ZNF799: variants seen among roughly 807,000 people sequenced by gnomAD.
ZNF799 encodes the protein zinc finger protein 799, also known as zinc finger protein 14.
In ZNF799, 28 loss-of-function variants were observed where a neutral mutation model predicts 41.0. The ratio of observed to expected loss-of-function variants is 0.68; its 90% CI spans 0.51 to 0.94. The LOEUF (loss-of-function observed/expected upper bound fraction) is 0.94. ZNF799 is among the 40% of genes least tolerant of loss of function. ZNF799 has a pLI of 0.00. For missense variants in ZNF799, 716 were observed against 764.3 expected, an observed-to-expected ratio of 0.94 and a Z score of 0.74; for synonymous variants, 213 against 252.9, an observed-to-expected ratio of 0.84 and a Z score of 1.50.
chr19:12,390,279 C>A lies in ZNF799; in HGVS notation c.*187G>T. The A allele has an allele frequency of 9.7e-7, 1 of 1,033,004 alleles. No individual in the cohort carries two copies. Among genetic ancestry groups the A allele is most frequent in the Admixed American group, 2.9e-5 (1 of 34,898 alleles). 64.0% of individuals were successfully genotyped at this position (1,033,004 alleles called of 1,614,324 possible). A position where few individuals can be genotyped will look rare whatever the true frequency, so the allele number is the denominator to read the frequency against. On this transcript the variant is annotated 3_prime_UTR_variant, in exon 4 of 4. Transcript: ENST00000430385. ...TATAAAAGGGACTGGACATGGCTCA[C>A]GGAGTGCTGGAACCAATACCCAGCA... is the stretch of plus-strand genomic sequence containing the variant.
At chr19:12,409,844 G>T in the ZNF799 span, among the ~76,000 whole-genome samples, 2 of 152,080 alleles carry the variant, frequency 1.3e-5, no homozygotes, top group Non-Finnish European at 2.9e-5. Context: ...TTCTGAAGTT[G>T]ATGAGAAAAC....
rs1425616891 is a variant in ZNF799 at position 12,394,759 on chromosome 19, T to C, written c.4-1336A>G. On this transcript the variant is annotated intron_variant, in intron 1 of 3. Coordinates refer to ENST00000430385, the MANE Select transcript of ZNF799 (RefSeq NM_001080821.3). ...TTACTAAGAAACTAAAACAAATCTT[T>C]TAGTAGTCAACAAAAATTACATTAC... 2.8e-5 allele frequency: 28 copies of C among 985,060 alleles called. No homozygotes were observed. The South Asian group carries it at 1.1e-3, about 40-fold the overall frequency. The allele number at this position is 985,060 out of a possible 1,614,324, so 61.0% of individuals were successfully genotyped here.
chr19:12,395,111 G>C (rs568760176), intron 1 of ZNF799: 2 of 152,188 alleles, frequency 1.3e-5, no homozygotes, highest in South Asian at 4.2e-4. Context: ...TCTGTATAAG[G>C]ACTATCCCGA....
the ZNF799 span, among the ~76,000 whole-genome samples, chr19:12,413,268 C>T: frequency 6.6e-6 from 1 of 151,976 alleles, no homozygotes; most frequent in African/African-American, 2.4e-5. Context: ...TGAATTGTAC[C>T]CTCCAATGAA....
Position 12,391,181 on chromosome 19 carries a change from C to A in ZNF799, c.1217G>T (p.Ser406Ile). ...AGTCTTTTCATGCCTTTGAAATACA[C>A]TGGGATAAACAAAGGCTTTCCCACA... ...KICGKAFVYP[S>I]VFQRHEKTHT... The change falls in exon 4 of 4, where the codon AGT becomes ATT. Residue 406 changes from serine to isoleucine, a missense_variant. Around this residue, in one of 2 missense-constraint regions of ZNF799, gnomAD observed 698 missense variants for 713.6 expected, o/e 0.98. Transcript: ENST00000430385. The A allele has an allele frequency of 6.2e-7, 1 of 1,614,166 alleles. No individual in the cohort carries two copies. The highest frequency in any genetic ancestry group is 1.1e-5 in the South Asian group (1 of 91,082).
the ZNF799 span, among the ~76,000 whole-genome samples, chr19:12,408,671 A>G: frequency 6.6e-6 from 1 of 152,228 alleles, no homozygotes; most frequent in Admixed American, 6.5e-5. Context: ...GATATTTCAT[A>G]ATGATAAAGT....
At position 12,391,473 on chromosome 19, in the gene ZNF799, AG is replaced by A. The variant is rs1478497378; in HGVS notation, c.924del (p.Tyr309MetfsTer21). The A allele has an allele frequency of 2.5e-6, 4 of 1,614,122 alleles. No homozygotes were observed. Among genetic ancestry groups the A allele is most frequent in the Non-Finnish European group, 3.4e-6 (4 of 1,179,976 alleles). ...GCTTTCCCACATTGCTGACATGCAT[AG>A]GGTTTCTCATCAGTGTGAGTTGTTT... ...RHETTHTDEKPYACQQCGKAF... is the reference protein window; with the variant it reads ...RHETTHTDEKXYACQQCGKAF... On this transcript the variant is annotated frameshift_variant, in exon 4 of 4. Transcript: ENST00000430385. LOFTEE classifies it high-confidence loss of function.
chr19:12,392,823 C>T (rs554791077), intron 2 of ZNF799, among the ~76,000 whole-genome samples, 160 bp from the exon 3 acceptor site: 1 of 151,940 alleles, frequency 6.6e-6, no homozygotes, highest in East Asian at 1.9e-4. Flanking sequence ...TTTGTATATA[C>T]ATATATATAT....
chr19:12,405,295 A>T (rs1051829472), upstream of ZNF799, among the ~76,000 whole-genome samples: 1 of 152,044 alleles, frequency 6.6e-6, no homozygotes, highest in Non-Finnish European at 1.5e-5. Context: ...ATCCTGGGGG[A>T]AAAAAGTTGG....
chr19:12,401,276 C>T, upstream of ZNF799: 6 of 1,362,062 alleles, frequency 4.4e-6, no homozygotes, highest in Non-Finnish European at 5.8e-6. Flanking sequence ...ATTGACAGTT[C>T]CCACGAACCC....
the ZNF799 span, among the ~76,000 whole-genome samples, chr19:12,410,765 T>C: frequency 9.2e-5 from 14 of 152,234 alleles, no homozygotes; most frequent in South Asian, 2.7e-3. Flanking sequence ...CCTATGCACA[T>C]TAAAGTGACC....
Position 12,390,560 on chromosome 19 carries a change from T to C in ZNF799, c.1838A>G (p.Lys613Arg), listed in dbSNP as rs774905334. ...LHRHKKTHWK[K>R]THTGENPYGC... ...ATACGGGTTCTCTCCAGTGTGAGTT[T>C]TTTTCCAGTGAGTCTTTTTATGTCT... The change falls in exon 4 of 4, where the codon AAA (lysine) becomes AGA (arginine). Residue 613 changes from lysine to arginine, a missense_variant. Physicochemically the swap from Lys to Arg is conservative, Grantham distance 26. Transcript: ENST00000430385. The C allele has an allele frequency of 3.7e-5, 60 of 1,611,600 alleles. No homozygotes were observed. The highest frequency in any genetic ancestry group is 4.4e-5 in the Non-Finnish European group (52 of 1,178,950).
the ZNF799 span, among the ~76,000 whole-genome samples, chr19:12,413,946 C>T: frequency 1.3e-5 from 2 of 152,330 alleles, no homozygotes; most frequent in Admixed American, 6.5e-5. Context: ...ACCCCTAGGC[C>T]GTGCACACGC....
At chr19:12,402,416 CTTTTTT>C (rs745521629), upstream of ZNF799, among the ~76,000 whole-genome samples, 14 of 125,048 alleles carry the variant, frequency 1.1e-4, no homozygotes, top group Admixed American at 3.5e-4. Flanking sequence ...CCCTTTATTT[CTTTTTT>C]TTTTTTTTTT....
chr19:12,412,724 C>A, the ZNF799 span, among the ~76,000 whole-genome samples: 1 of 152,056 alleles, frequency 6.6e-6, no homozygotes, highest in East Asian at 1.9e-4. Flanking sequence ...ATCCACGGCC[C>A]ACATCCTGTC....
At chr19:12,410,254 C>CATATATAT in the ZNF799 span, among the ~76,000 whole-genome samples, 14 of 62,032 alleles carry the variant, frequency 2.3e-4, no homozygotes, top group South Asian at 6.8e-4. Flanking sequence ...TGTCTGTGTG[C>CATATATAT]ATATATATAT....
upstream of ZNF799, among the ~76,000 whole-genome samples, chr19:12,404,152 T>C (rs566828798): frequency 6.6e-6 from 1 of 152,344 alleles, no homozygotes; most frequent in African/African-American, 2.4e-5. Flanking sequence ...TTTTAAGACA[T>C]GCTTTTTGAA....
At chr19:12,410,295 A>ATC in the ZNF799 span, among the ~76,000 whole-genome samples, 2 of 131,290 alleles carry the variant, frequency 1.5e-5, no homozygotes, top group East Asian at 2.2e-4. Flanking sequence ...ATATATATAT[A>ATC]TATCTTAGCC....
chr19:12,406,179 A>G (rs1333389204), upstream of ZNF799, among the ~76,000 whole-genome samples: 2 of 150,266 alleles, frequency 1.3e-5, no homozygotes, highest in African/African-American at 2.4e-5. Flanking sequence ...AAAAAAAAAA[A>G]AAAAAAGAAA....
Sources: gnomAD v4.1 joint callset for allele counts (sites outside exome capture counted in the v4.1 genomes callset) on GRCh38, gnomAD v4.1.1 for gene constraint, gnomAD v4.1.1 regional missense constraint, MANE v1.5 for transcripts, NCBI Gene and HGNC (gene_info 2026-07-23, HGNC 2026-07-21) for gene names.